Variants in ARHGAP21 observed in about 807,000 individuals in gnomAD.
The protein encoded by ARHGAP21 is Rho GTPase activating protein 21.
In ARHGAP21, 38 loss-of-function variants were observed where a neutral mutation model predicts 164.6. That is an observed-to-expected ratio of 0.23 (90% CI 0.18 to 0.30). The LOEUF is 0.30. Among genes scored for constraint, ARHGAP21 ranks in the 10% least tolerant of loss-of-function variants. The probability of loss-of-function intolerance (pLI) is 1.00; values close to 1 mark genes in which losing one functional copy is unlikely to be tolerated. For synonymous variants in ARHGAP21, 766 were observed against 857.9 expected (o/e 0.89, Z 1.87); for missense variants, 1,822 against 2,370.7 (o/e 0.77, Z 4.81).
At chr10:24,688,104 T>C (rs1439648308) in intron 2 of ARHGAP21, among the ~76,000 whole-genome samples, 7 of 152,192 alleles carry the variant, frequency 4.6e-5, no homozygotes, top group Non-Finnish European at 1.0e-4. Flanking sequence ...AGAATTCAAT[T>C]TGGTGGCCAG....
At chr10:24,639,572 G>A (rs1002222558) in intron 4 of ARHGAP21, among the ~76,000 whole-genome samples, 1 of 152,094 alleles carries the variant, frequency 6.6e-6, no homozygotes, top group Non-Finnish European at 1.5e-5. Context: ...AATAAATACT[G>A]GTTGAAAGGA....
intron 2 of ARHGAP21, among the ~76,000 whole-genome samples, chr10:24,710,905 C>T (rs1844718992): frequency 6.6e-6 from 1 of 151,892 alleles, no homozygotes; most frequent in African/African-American, 2.4e-5. Context: ...AACAGCATGG[C>T]CAACATGGCG....
rs979299999 is a variant in ARHGAP21, at chr10:24,649,635, A to G, written c.269-14532T>C. 3.9e-5 allele frequency among the ~76,000 whole-genome samples: 6 copies of G among 152,128 alleles called. 1 individual carries two copies. The highest frequency in any genetic ancestry group is 8.8e-5 in the Non-Finnish European group (6 of 68,022). On this transcript the variant is annotated intron_variant, in intron 4 of 25. Coordinates refer to ENST00000396432, the MANE Select transcript of ARHGAP21 (RefSeq NM_020824.4). ...GCAAACACCAATCAACTTGGAGAAG[A>G]GATTTTTTGTCTTAGATCTCAAAGA...
chr10:24,709,574 CA>C (rs916361837), intron 2 of ARHGAP21, among the ~76,000 whole-genome samples: 1 of 151,628 alleles, frequency 6.6e-6, no homozygotes, highest in African/African-American at 2.4e-5. Flanking sequence ...CTCATCTCTA[CA>C]AAAAAAATTT....
Position 24,635,104 on chromosome 10 carries a change from C to T in ARHGAP21, c.269-1G>A. On this transcript the variant is annotated splice_acceptor_variant, in intron 4 of 25. Coordinates refer to ENST00000396432, the MANE Select transcript of ARHGAP21 (RefSeq NM_020824.4). LOFTEE classifies it high-confidence loss of function. ...GGTTCCAAGCGGTTTCTTTGTTTTC[C>T]TGTTACAGAGAAGCCCAAAGCATGA... 1 of 1,579,648 alleles carries T rather than the reference C, an allele frequency of 6.3e-7. No homozygotes were observed. Among genetic ancestry groups the T allele is most frequent in the Non-Finnish European group, 8.6e-7 (1 of 1,164,980 alleles).
In ARHGAP21 at chr10:24,670,486, A is replaced by C. The variant is rs1593238259; in HGVS notation, c.64-89T>G. On this transcript the variant is annotated intron_variant, in intron 2 of 25. Transcript: ENST00000396432. ...TTCTATGTAAAAATGTTAATACCTG[A>C]GCGCCGATATGAACTATTTTCTGAT... 3.6e-6 allele frequency: 3 copies of C among 828,836 alleles called. No homozygotes were observed. In the East Asian group the frequency reaches 9.1e-5, roughly 25 times the overall value. The allele number at this position is 828,836 out of a possible 1,614,324, so 51.3% of individuals were successfully genotyped here.
chr10:24,607,108 A>G (rs902839021), intron 11 of ARHGAP21, among the ~76,000 whole-genome samples: 2 of 152,198 alleles, frequency 1.3e-5, no homozygotes, highest in African/African-American at 4.8e-5. Flanking sequence ...GATCTCTAAG[A>G]TCAGTGTCTA....
At chr10:24,631,465 T>C (rs141335430) in intron 6 of ARHGAP21, among the ~76,000 whole-genome samples, 1 of 152,178 alleles carries the variant, frequency 6.6e-6, no homozygotes, top group South Asian at 2.1e-4. Flanking sequence ...ATATCAGACA[T>C]ATTTTCCCCC....
In ARHGAP21 at chr10:24,585,610, C is replaced by T. The variant is rs2076070817; in HGVS notation, c.4679G>A (p.Arg1560Lys). ...ACTGGTTGATTTCTTCATGGAAAAC[C>T]TTGCCAGGGAGGCCTGGGAAGACGT... ...LSTSSQASLARFSMKKSTSPE... is the reference protein window; with the variant it reads ...LSTSSQASLAKFSMKKSTSPE... Residue 1560 changes from arginine (R) to lysine (K), a missense_variant, in exon 26 of 26, where the codon AGG becomes AAG. This residue lies in a region of ARHGAP21 where 333 missense variants were observed against 383.9 expected (regional missense o/e 0.87). Transcript: ENST00000396432. 2 of 1,614,030 alleles carry T rather than the reference C, an allele frequency of 1.2e-6. No individual in the cohort carries two copies. The highest frequency in any genetic ancestry group is 1.7e-6 in the Non-Finnish European group (2 of 1,180,028).
At chr10:24,595,301 A>G in intron 19 of ARHGAP21, 111 bp from the exon 20 acceptor site, 1 of 933,248 alleles carries the variant, frequency 1.1e-6, no homozygotes, top group East Asian at 2.6e-5. Context: ...GAGTTCTAAT[A>G]GTTTTGAAAT....
intron 2 of ARHGAP21, among the ~76,000 whole-genome samples, chr10:24,678,356 G>A (rs902791744): frequency 6.6e-6 from 1 of 152,128 alleles, no homozygotes; most frequent in Non-Finnish European, 1.5e-5. Context: ...AGATACAGAA[G>A]TGTCGCATCC....
intron 4 of ARHGAP21, among the ~76,000 whole-genome samples, chr10:24,646,252 C>A (rs201707904): frequency 6.6e-6 from 1 of 151,954 alleles, no homozygotes; most frequent in South Asian, 2.1e-4. Context: ...GGCTAACTAG[C>A]TGGAGAGCAA....
At chr10:24,692,982 AAC>A (rs1345348208) in intron 2 of ARHGAP21, among the ~76,000 whole-genome samples, 4 of 152,222 alleles carry the variant, frequency 2.6e-5, no homozygotes. Flanking sequence ...GTGAAAAAAA[AAC>A]ACAACAGGTG....
At position 24,703,224 on chromosome 10, in the gene ARHGAP21, T is replaced by C. The variant is rs558702045; in HGVS notation, c.63+18613A>G. 1.5e-4 allele frequency among the ~76,000 whole-genome samples: 23 copies of C among 152,346 alleles called. No individual in the cohort carries two copies. The South Asian group carries it at 1.7e-3, about 11-fold the overall frequency. ...GTAAACCAATTTTAATTTTCCAGTTTTTACAAGTGACCATGCATTTGTAAT... is the reference window on the plus strand; with the variant it reads ...GTAAACCAATTTTAATTTTCCAGTTCTTACAAGTGACCATGCATTTGTAAT... On this transcript the variant is annotated intron_variant, in intron 2 of 25. Coordinates refer to ENST00000396432, the MANE Select transcript of ARHGAP21 (RefSeq NM_020824.4).
chr10:24,597,164 T>C (rs2076621581), intron 16 of ARHGAP21, among the ~76,000 whole-genome samples: 1 of 152,194 alleles, frequency 6.6e-6, no homozygotes, highest in Non-Finnish European at 1.5e-5. Context: ...GTAATAGTTT[T>C]ATTTCAAAAT....
intron 2 of ARHGAP21, among the ~76,000 whole-genome samples, chr10:24,692,974 G>GAA (rs201300726): frequency 6.7e-6 from 1 of 149,962 alleles, no homozygotes; most frequent in African/African-American, 2.5e-5. Context: ...AATGCTGAGT[G>GAA]AAAAAAAAAC....
chr10:24,639,671 A>G (rs184587201), intron 4 of ARHGAP21, among the ~76,000 whole-genome samples: 147 of 152,244 alleles, frequency 9.7e-4, no homozygotes, highest in African/African-American at 3.4e-3. Context: ...AAGAAAAGAA[A>G]GTAAAAAGAG....
In ARHGAP21 at chr10:24,721,908, A is replaced by C. The variant is rs1161403745; in HGVS notation, c.-9T>G. The C allele has an allele frequency of 1.1e-5, 18 of 1,614,136 alleles. 1 individual carries two copies. The highest frequency in any genetic ancestry group is 3.3e-4 in the Middle Eastern group (2 of 6,056). Reference sequence around the variant, plus strand: ...CGACGCGTGGCCATCATTTCATTTCAAATGACAAAGAAGGGACAAATCCTT... The same window carrying C: ...CGACGCGTGGCCATCATTTCATTTCCAATGACAAAGAAGGGACAAATCCTT... On this transcript the variant is annotated 5_prime_UTR_variant, in exon 2 of 26. Transcript: ENST00000396432.
At chr10:24,633,353 A>G in intron 6 of ARHGAP21, 49 bp downstream of exon 6, 1 of 1,277,748 alleles carries the variant, frequency 7.8e-7, no homozygotes, top group East Asian at 2.3e-5. Flanking sequence ...TATGTGCTCT[A>G]TTGATCTATA....
Sources: allele counts gnomAD v4.1 joint callset (sites outside exome capture counted in the v4.1 genomes callset), GRCh38; gene constraint gnomAD v4.1.1; regional missense constraint gnomAD v4.1.1; transcripts MANE v1.5; gene names NCBI Gene and HGNC (gene_info 2026-07-23, HGNC 2026-07-21).